The following PVT1 variants were observed in gnomAD, a reference collection of about 807,000 sequenced individuals.
The protein encoded by PVT1 is Pvt1 oncogene.
At chr8:128,089,057 G>C (rs1048545930) in intron 5 of PVT1, among the ~76,000 whole-genome samples, 1 of 152,210 alleles carries the variant, frequency 6.6e-6, no homozygotes, top group African/African-American at 2.4e-5. Flanking sequence ...AAAATATCTT[G>C]AGATTTGCTG....
intron 6 of PVT1, among the ~76,000 whole-genome samples, chr8:128,098,027 C>T (rs1814450310): frequency 6.6e-6 from 1 of 152,170 alleles, no homozygotes; most frequent in South Asian, 2.1e-4. Flanking sequence ...AGGCTGGACA[C>T]ATCTCCATGA....
intron 2 of PVT1, among the ~76,000 whole-genome samples, chr8:127,859,009 T>C (rs1815192288): frequency 6.6e-6 from 1 of 151,964 alleles, no homozygotes; most frequent in South Asian, 2.1e-4. Flanking sequence ...GGTCTTGCTA[T>C]GTTGCCCAGG....
At chr8:127,988,802 T>C (rs566696532) in intron 3 of PVT1, among the ~76,000 whole-genome samples, 2 of 152,248 alleles carry the variant, frequency 1.3e-5, no homozygotes, top group South Asian at 4.1e-4. Context: ...CTCTACCTAG[T>C]ATTCTTGGAA....
intron 4 of PVT1, among the ~76,000 whole-genome samples, chr8:128,055,594 T>C (rs1314701400): frequency 2.0e-5 from 3 of 152,206 alleles, no homozygotes; most frequent in Non-Finnish European, 4.4e-5. Flanking sequence ...CATAACAAAA[T>C]GTTGTGGCTT....
At position 128,050,937 on chromosome 8, in the gene PVT1, C is replaced by T. The variant is rs1469618773; in HGVS notation, n.913-19223C>T. ...TCTGTTTGAAAGACTCTTAGTTCCT[C>T]ATGTATGACAGCAAGAGTGGACCTC... is the stretch of plus-strand genomic sequence containing the variant. On this transcript the variant is annotated intron_variant and non_coding_transcript_variant, in intron 4 of 10. Transcript: ENST00000651587. Among the ~76,000 whole-genome samples the T allele has an allele frequency of 2.0e-5, 3 of 152,208 alleles. No individual in the cohort carries two copies. The East Asian group carries it at 5.8e-4, about 29-fold the overall frequency.
chr8:127,923,278 G>A (rs548118570), intron 3 of PVT1, among the ~76,000 whole-genome samples: 2 of 152,242 alleles, frequency 1.3e-5, no homozygotes, highest in Non-Finnish European at 2.9e-5. Flanking sequence ...GCAACTCTGC[G>A]AAGCAGACGG....
intron 2 of PVT1, among the ~76,000 whole-genome samples, chr8:127,858,407 A>AAAATAAAT (rs374974740): frequency 0.033 from 4,626 of 141,790 alleles, 86 homozygotes; most frequent in Non-Finnish European, 0.042. Flanking sequence ...ACTCTGTCTC[A>AAAATAAAT]AAATAAATAA....
intron 2 of PVT1, among the ~76,000 whole-genome samples, chr8:127,830,916 G>T (rs989979663): frequency 6.6e-6 from 1 of 152,016 alleles, no homozygotes; most frequent in Non-Finnish European, 1.5e-5. Flanking sequence ...CTCAGACATC[G>T]GACTCCAAGT....
chr8:127,854,063 C>G (rs1815136174), intron 2 of PVT1, among the ~76,000 whole-genome samples: 1 of 152,242 alleles, frequency 6.6e-6, no homozygotes, highest in South Asian at 2.1e-4. Flanking sequence ...CAGCCATTTC[C>G]TGCCCCAAGG....
At chr8:128,094,551 C>G (rs1814401657) in intron 5 of PVT1, among the ~76,000 whole-genome samples, 1 of 152,206 alleles carries the variant, frequency 6.6e-6, no homozygotes, top group African/African-American at 2.4e-5. Flanking sequence ...ATATTTACTA[C>G]TTGGCCCATT....
intron 3 of PVT1, among the ~76,000 whole-genome samples, chr8:127,942,571 C>T (rs970554248): frequency 2.6e-5 from 4 of 152,092 alleles, no homozygotes; most frequent in African/African-American, 9.7e-5. Context: ...AAACTGAGGC[C>T]CAGGGAGTGT....
At chr8:127,985,518 C>G (rs1014725411) in intron 3 of PVT1, among the ~76,000 whole-genome samples, 3 of 151,462 alleles carry the variant, frequency 2.0e-5, no homozygotes, top group South Asian at 4.2e-4. Context: ...CAGCAACTAA[C>G]TGGTGGGGAT....
At chr8:128,054,582 G>A (rs2130110952) in intron 4 of PVT1, among the ~76,000 whole-genome samples, 1 of 152,306 alleles carries the variant, frequency 6.6e-6, no homozygotes, top group East Asian at 1.9e-4. Flanking sequence ...CTTCAACTGT[G>A]TCAGTTCTCC....
intron 3 of PVT1, among the ~76,000 whole-genome samples, chr8:127,912,719 A>G (rs1284653752): frequency 2.8e-5 from 4 of 145,264 alleles, no homozygotes; most frequent in Non-Finnish European, 6.0e-5. Context: ...TTTTTTTTAG[A>G]CTAGTCTCAC....
chr8:127,884,715 A>G (rs910857618), intron 2 of PVT1, among the ~76,000 whole-genome samples: 2 of 152,240 alleles, frequency 1.3e-5, no homozygotes, highest in Non-Finnish European at 2.9e-5. Flanking sequence ...TAATCAGGAG[A>G]GAAAAGAAAA....
chr8:128,096,433 G>C (rs886548654), intron 5 of PVT1: 2 of 152,152 alleles, frequency 1.3e-5, no homozygotes, highest in Non-Finnish European at 2.9e-5. Context: ...CCTGTCCCCT[G>C]TACCAGCTGA....
chr8:127,804,538 ATT>A (rs35404021), intron 2 of PVT1, among the ~76,000 whole-genome samples: 37 of 112,662 alleles, frequency 3.3e-4, no homozygotes, highest in African/African-American at 8.7e-4. Flanking sequence ...TTGCATCCTG[ATT>A]TTTTTTTTTT....
intron 3 of PVT1, among the ~76,000 whole-genome samples, chr8:127,975,188 A>G (rs1228725139): frequency 6.6e-6 from 1 of 152,202 alleles, no homozygotes. Flanking sequence ...CAGCAGGATT[A>G]TTGAGTCAAA....
At chr8:128,001,033 A>T (rs1817171167) in intron 4 of PVT1, among the ~76,000 whole-genome samples, 1 of 152,132 alleles carries the variant, frequency 6.6e-6, no homozygotes, top group Admixed American at 6.5e-5. Flanking sequence ...GTATTTCTGT[A>T]TTTCCTACCT....
Sources: allele counts gnomAD v4.1 joint callset (sites outside exome capture counted in the v4.1 genomes callset), GRCh38; gene constraint gnomAD v4.1.1; transcripts MANE v1.5; gene names NCBI Gene and HGNC (gene_info 2026-07-23, HGNC 2026-07-21).